CD101: variants seen among roughly 807,000 people sequenced by gnomAD.
The protein encoded by CD101 is CD101 molecule, also known as immunoglobulin superfamily member 2.
A neutral mutation model predicts 98.2 loss-of-function variants in CD101; 76 were observed. That is an observed-to-expected ratio of 0.77 (90% CI 0.64 to 0.94). The LOEUF is 0.94. Ranked by LOEUF, CD101 falls within the 40% of genes least tolerant of loss-of-function variation. The pLI is 0.00. For missense variants in CD101, 1,145 were observed against 1,218.8 expected (o/e 0.94, Z 0.90); for synonymous variants, 471 against 472.7 (o/e 1.00, Z 0.05).
In CD101 at chr1:117,021,669, GA is replaced by G. The variant is rs1557773846; in HGVS notation, c.2117del (p.Asn706ThrfsTer4). On this transcript the variant is annotated frameshift_variant, in exon 7 of 10. Coordinates refer to ENST00000682167, the MANE Select transcript of CD101 (RefSeq NM_001256106.3). LOFTEE classifies it high-confidence loss of function. The surrounding 1 kb of genome is among the most constrained non-coding windows in gnomAD (Gnocchi z 4.7). ...TGTAGCATCTTGTCCCGGTCCAATG[GA>G]AACCTTCAGTTAGCCATTATTTGGT... Reference protein sequence around the residue: ...IECSILSRSNGNLQLAIIWYF... With the variant: ...IECSILSRSNXNLQLAIIWYF... 6.2e-7 allele frequency: 1 copy of G among 1,614,092 alleles called. No individual in the cohort carries two copies. The highest frequency in any genetic ancestry group is 8.5e-7 in the Non-Finnish European group (1 of 1,180,002).
rs545025549 is a variant in CD101 at position 117,010,107 on chromosome 1, G to A, written c.301G>A (p.Gly101Ser). ...AGACGTCTACGTGGAGAGGGTCCAG[G>A]GCAACTCAGTCTTGTTGCACATCTC... ...SGDVYVERVQ[G>S]NSVLLHISKL... The change falls in exon 2 of 10, where the codon GGC becomes AGC. Residue 101 changes from glycine to serine, a missense_variant. Coordinates refer to ENST00000682167, the MANE Select transcript of CD101 (RefSeq NM_001256106.3). This position sits in a 1 kb window ranked among gnomAD's most constrained non-coding sequence, Gnocchi z 5.2. 2 of 1,614,158 alleles carry A rather than the reference G, an allele frequency of 1.2e-6. No individual in the cohort carries two copies. Among genetic ancestry groups the A allele is most frequent in the Middle Eastern group, 1.6e-4 (1 of 6,062 alleles).
rs1423330080 is a variant in CD101, at chr1:117,004,010, A to G, written c.43+2150A>G. On this transcript the variant is annotated intron_variant, in intron 1 of 9. Coordinates refer to ENST00000682167, the MANE Select transcript of CD101 (RefSeq NM_001256106.3). This position sits in a 1 kb window ranked among gnomAD's most constrained non-coding sequence, Gnocchi z 4.1. Reference sequence around the variant, plus strand: ...TTTTTAGTAAATATAAGGACTGAACAATCCTGATAGAAAATGGTGCCATAT... The same window carrying G: ...TTTTTAGTAAATATAAGGACTGAACGATCCTGATAGAAAATGGTGCCATAT... Among the ~76,000 whole-genome samples, 1 of 152,228 alleles carries G rather than the reference A, an allele frequency of 6.6e-6. No individual in the cohort carries two copies. Among genetic ancestry groups the G allele is most frequent in the African/African-American group, 2.4e-5 (1 of 41,454 alleles).
rs1332646993 is a variant in CD101 at position 117,005,589 on chromosome 1, G to C, written c.43+3729G>C. On this transcript the variant is annotated intron_variant, in intron 1 of 9. Coordinates refer to ENST00000682167, the MANE Select transcript of CD101 (RefSeq NM_001256106.3). The surrounding 1 kb of genome is among the most constrained non-coding windows in gnomAD (Gnocchi z 4.4). Reference sequence around the variant, plus strand: ...TGCCCTCCATCTAACTCTTCCCTCTGTAAGTTTTGTTCCTTATCCCATCCC... The same window carrying C: ...TGCCCTCCATCTAACTCTTCCCTCTCTAAGTTTTGTTCCTTATCCCATCCC... Among the ~76,000 whole-genome samples, 1 of 152,066 alleles carries C rather than the reference G, an allele frequency of 6.6e-6. No homozygotes were observed. Among genetic ancestry groups the C allele is most frequent in the Non-Finnish European group, 1.5e-5 (1 of 68,014 alleles).
At chr1:117,028,223 T>C (rs1327735322) in intron 8 of CD101, among the ~76,000 whole-genome samples, 1 of 152,186 alleles carries the variant, frequency 6.6e-6, no homozygotes, top group Non-Finnish European at 1.5e-5. Flanking sequence ...GCGGTACCCA[T>C]GACGACTAAG....
chr1:117,007,660 T>C (rs917466394), intron 1 of CD101, among the ~76,000 whole-genome samples: 2 of 152,220 alleles, frequency 1.3e-5, no homozygotes, highest in Non-Finnish European at 1.5e-5. Context: ...TTCCTGCCTT[T>C]TTGCTAATGA....
At chr1:117,032,052 C>T (rs982989002) in intron 8 of CD101, 2 of 152,136 alleles carry the variant, frequency 1.3e-5, no homozygotes, top group Non-Finnish European at 2.9e-5. Flanking sequence ...GAAGAGGGGT[C>T]AGATAGGATG....
chr1:117,004,681 A>G lies in CD101; in HGVS notation c.43+2821A>G, dbSNP rs2101110139. On this transcript the variant is annotated intron_variant, in intron 1 of 9. Coordinates refer to ENST00000682167, the MANE Select transcript of CD101 (RefSeq NM_001256106.3). This position sits in a 1 kb window ranked among gnomAD's most constrained non-coding sequence, Gnocchi z 4.1. Reference sequence around the variant, plus strand: ...TATGTACTTGAAAAAACCCAGAGAGAATATATTTATAGTAAGATGCTTAAG... The same window carrying G: ...TATGTACTTGAAAAAACCCAGAGAGGATATATTTATAGTAAGATGCTTAAG... 6.6e-6 allele frequency among the ~76,000 whole-genome samples: 1 copy of G among 152,142 alleles called. No individual in the cohort carries two copies. The highest frequency in any genetic ancestry group is 2.1e-4 in the South Asian group (1 of 4,820).
At chr1:117,034,477 A>T (rs1434909879) in intron 9 of CD101, among the ~76,000 whole-genome samples, 1 of 152,162 alleles carries the variant, frequency 6.6e-6, no homozygotes, top group Non-Finnish European at 1.5e-5. Flanking sequence ...CACTTGTCAC[A>T]CCTGCTCTAG....
rs113261368 is a variant in CD101, at chr1:117,023,565, T to C, written c.2428+1582T>C. ...CAGAGTAGCTGGGACTACAGGTGTG[T>C]GCCACCATGCCTGGCTAATTTTTGT... On this transcript the variant is annotated intron_variant, in intron 7 of 9. Coordinates refer to ENST00000682167, the MANE Select transcript of CD101 (RefSeq NM_001256106.3). This position sits in a 1 kb window ranked among gnomAD's most constrained non-coding sequence, Gnocchi z 4.4. Among the ~76,000 whole-genome samples, 3,715 of 152,084 alleles carry C rather than the reference T, an allele frequency of 0.024. 121 individuals are homozygous for C. Among genetic ancestry groups the C allele is most frequent in the African/African-American group, 0.079 (3,284 of 41,468 alleles).
chr1:117,011,472 TA>T, intron 2 of CD101, 77 bp from the exon 3 acceptor site: 1 of 1,230,062 alleles, frequency 8.1e-7, no homozygotes. Flanking sequence ...TTACATAGGG[TA>T]GCTCAGGGCG....
Position 117,018,046 on chromosome 1 carries a change from A to G in CD101, c.1613-110A>G. On this transcript the variant is annotated intron_variant, in intron 5 of 9. Transcript: ENST00000682167. This position sits in a 1 kb window ranked among gnomAD's most constrained non-coding sequence, Gnocchi z 4.3. ...TACTCTATAAAATAGGAAACTCCAA[A>G]TGTACAAATGCATGGTCCTAGTCAA... The G allele has an allele frequency of 2.0e-6, 2 of 981,654 alleles. No homozygotes were observed. Among genetic ancestry groups the G allele is most frequent in the East Asian group, 2.6e-5 (1 of 37,842 alleles). The allele number at this position is 981,654 out of a possible 1,614,324, so 60.8% of individuals were successfully genotyped here.
At chr1:117,003,735 C>G (rs1451463528) in intron 1 of CD101, among the ~76,000 whole-genome samples, 5 of 152,132 alleles carry the variant, frequency 3.3e-5, no homozygotes, top group Non-Finnish European at 5.9e-5. Context: ...TTTCCTTAAC[C>G]CATTTAAACA....
Position 117,010,483 on chromosome 1 carries a change from G to A in CD101, c.424+253G>A, listed in dbSNP as rs1570715588. On this transcript the variant is annotated intron_variant, in intron 2 of 9. Transcript: ENST00000682167. The surrounding 1 kb of genome is among the most constrained non-coding windows in gnomAD (Gnocchi z 5.2). ...GTGTGGTTTTCCCAAGGCCTTGTCCGCAGCTCTCCATAGGTTGCTAGTAGC... is the reference window on the plus strand; with the variant it reads ...GTGTGGTTTTCCCAAGGCCTTGTCCACAGCTCTCCATAGGTTGCTAGTAGC... Among the ~76,000 whole-genome samples the A allele has an allele frequency of 6.6e-6, 1 of 152,152 alleles. No homozygotes were observed. The highest frequency in any genetic ancestry group is 2.4e-5 in the African/African-American group (1 of 41,438).
chr1:117,011,971 T>C lies in CD101; in HGVS notation c.841+5T>C. On this transcript the variant is annotated splice_donor_5th_base_variant and intron_variant, in intron 3 of 9. Transcript: ENST00000682167. ...CTCTGAGGATCCAGCCAGCAGGTAA[T>C]TATCTTCCTACGAAATTCATTAATA... 6.2e-7 allele frequency: 1 copy of C among 1,605,890 alleles called. No individual in the cohort carries two copies. The highest frequency in any genetic ancestry group is 2.2e-5 in the East Asian group (1 of 44,668).
chr1:117,001,928 G>C, intron 1 of CD101, 68 bp downstream of exon 1: 1 of 1,466,888 alleles, frequency 6.8e-7, no homozygotes, highest in Non-Finnish European at 9.5e-7. Context: ...CTGAGTGATG[G>C]AACAGGACAA....
Position 117,033,836 on chromosome 1 carries a change from C to T in CD101, c.2825-24C>T, listed in dbSNP as rs755947310. 1.2e-6 allele frequency: 2 copies of T among 1,613,600 alleles called. No homozygotes were observed. The highest frequency in any genetic ancestry group is 1.7e-6 in the Non-Finnish European group (2 of 1,179,684). ...ACAAATAAGTTGGAGATGAATTACTCTCTTGTTTCTCCCTTCGTTGCAGAG... is the reference window on the plus strand; with the variant it reads ...ACAAATAAGTTGGAGATGAATTACTTTCTTGTTTCTCCCTTCGTTGCAGAG... On this transcript the variant is annotated intron_variant, in intron 8 of 9. Coordinates refer to ENST00000682167, the MANE Select transcript of CD101 (RefSeq NM_001256106.3). This position sits in a 1 kb window ranked among gnomAD's most constrained non-coding sequence, Gnocchi z 4.8.
rs759431932 is a variant in CD101, at chr1:117,009,830, T to A, written c.44-20T>A. 34 of 1,573,112 alleles carry A rather than the reference T, an allele frequency of 2.2e-5. No homozygotes were observed. The highest frequency in any genetic ancestry group is 2.9e-5 in the Non-Finnish European group (34 of 1,154,686). On this transcript the variant is annotated intron_variant, in intron 1 of 9. Coordinates refer to ENST00000682167, the MANE Select transcript of CD101 (RefSeq NM_001256106.3). ...AACACTAATCTCTTTTTATTCCCCT[T>A]TCTTTCTCCTACTTACAAGCTAAGC...
At chr1:117,021,000 A>G (rs1189330475) in intron 6 of CD101, among the ~76,000 whole-genome samples, 1 of 152,242 alleles carries the variant, frequency 6.6e-6, no homozygotes, top group Non-Finnish European at 1.5e-5. Flanking sequence ...ATGTTCCCAC[A>G]GTTAAGTGAC....
At position 117,013,823 on chromosome 1, in the gene CD101, G is replaced by A. The variant is rs753768334; in HGVS notation, c.1228+31G>A. 5 of 1,574,280 alleles carry A rather than the reference G, an allele frequency of 3.2e-6. No individual in the cohort carries two copies. The African/African-American group carries it at 4.1e-5, about 13-fold the overall frequency. On this transcript the variant is annotated intron_variant, in intron 4 of 9. Transcript: ENST00000682167. ...TAAAGTCAAGGCCAGGCATGCATTG[G>A]GCTGCTTTCAGATGCCCCCTTGTCA...
Sources: gnomAD v4.1 joint callset for allele counts (sites outside exome capture counted in the v4.1 genomes callset) on GRCh38, gnomAD v4.1.1 for gene constraint, Gnocchi (gnomAD v3.1) non-coding constraint, MANE v1.5 for transcripts, NCBI Gene and HGNC (gene_info 2026-07-23, HGNC 2026-07-21) for gene names.